Variants in DRC5 observed in about 807,000 individuals in gnomAD.
DRC5 encodes T-complex-associated testis-expressed protein 1.
the DRC5 span, among the ~76,000 whole-genome samples, chr6:44,294,593 A>G: frequency 6.6e-6 from 1 of 151,704 alleles, no homozygotes; most frequent in Admixed American, 6.6e-5. Flanking sequence ...AAAAATACAA[A>G]AATTAGCCAG....
the DRC5 span, among the ~76,000 whole-genome samples, chr6:44,294,992 G>T: frequency 6.6e-6 from 1 of 152,230 alleles, no homozygotes; most frequent in South Asian, 2.1e-4. Flanking sequence ...TGCAGGGATG[G>T]GTGGATACCC....
At chr6:44,286,506 G>A in the DRC5 span, 3 of 1,613,664 alleles carry the variant, frequency 1.9e-6, no homozygotes, top group South Asian at 3.3e-5. Context: ...TGGTGTTCCG[G>A]GAGCATCTGC....
the DRC5 span, among the ~76,000 whole-genome samples, chr6:44,296,174 C>T: frequency 6.6e-6 from 1 of 152,208 alleles, no homozygotes; most frequent in African/African-American, 2.4e-5. Context: ...CTCTTACTTC[C>T]ATGAGATGCT....
the DRC5 span, among the ~76,000 whole-genome samples, chr6:44,286,885 A>T: frequency 6.6e-6 from 1 of 152,204 alleles, no homozygotes; most frequent in African/African-American, 2.4e-5. Context: ...AAAACAAGAA[A>T]TTTTTTGAGC....
the DRC5 span, among the ~76,000 whole-genome samples, chr6:44,292,767 T>C: frequency 1.3e-5 from 2 of 152,096 alleles, no homozygotes; most frequent in East Asian, 3.9e-4. Context: ...CTGCTGGAAG[T>C]CATTTCTCTC....
At chr6:44,287,993 G>T in the DRC5 span, 4 of 803,564 alleles carry the variant, frequency 5.0e-6, no homozygotes, top group East Asian at 2.7e-5. Context: ...AGGTGGTACA[G>T]AATAGTGCTT....
chr6:44,280,993 T>C, the DRC5 span, among the ~76,000 whole-genome samples: 2 of 152,162 alleles, frequency 1.3e-5, no homozygotes, highest in Admixed American at 1.3e-4. Flanking sequence ...TTTTTATTAC[T>C]TGCAGTCAAC....
chr6:44,288,245 C>G, the DRC5 span, among the ~76,000 whole-genome samples: 1 of 152,192 alleles, frequency 6.6e-6, no homozygotes, highest in Non-Finnish European at 1.5e-5. Flanking sequence ...ACAGTAATTG[C>G]TCTGTGCCAG....
chr6:44,295,807 G>A, the DRC5 span, among the ~76,000 whole-genome samples: 2 of 152,112 alleles, frequency 1.3e-5, no homozygotes. Context: ...GTGCAACCTT[G>A]GGCAGGTCCC....
chr6:44,297,566 G>A, the DRC5 span: 2 of 152,272 alleles, frequency 1.3e-5, no homozygotes, highest in African/African-American at 2.4e-5. Flanking sequence ...GTGGGCAGAG[G>A]ACGCTAGAGG....
the DRC5 span, among the ~76,000 whole-genome samples, chr6:44,281,091 G>A: frequency 6.6e-6 from 1 of 152,182 alleles, no homozygotes; most frequent in African/African-American, 2.4e-5. Context: ...GAGCAAGGCT[G>A]TTCTCATGGG....
chr6:44,284,124 C>A, the DRC5 span, among the ~76,000 whole-genome samples: 1 of 152,164 alleles, frequency 6.6e-6, no homozygotes, highest in Non-Finnish European at 1.5e-5. Context: ...TCACAGCCAC[C>A]CATTCCTCAC....
the DRC5 span, among the ~76,000 whole-genome samples, chr6:44,286,950 C>T: frequency 0.71 from 108,515 of 152,148 alleles, 40,001 homozygotes; most frequent in Non-Finnish European, 0.81. Flanking sequence ...CTATGTCCCA[C>T]GTGCTGGAGA....
the DRC5 span, among the ~76,000 whole-genome samples, chr6:44,283,760 C>G: frequency 6.6e-6 from 1 of 152,246 alleles, no homozygotes; most frequent in East Asian, 1.9e-4. Flanking sequence ...GCATGCCAAT[C>G]TAACTATATT....
the DRC5 span, among the ~76,000 whole-genome samples, chr6:44,282,989 A>G: frequency 6.6e-6 from 1 of 151,806 alleles, no homozygotes; most frequent in Admixed American, 6.6e-5. Flanking sequence ...TTTTTAGTAG[A>G]GACAGGGTTT....
chr6:44,289,639 A>C, the DRC5 span, among the ~76,000 whole-genome samples: 1 of 152,202 alleles, frequency 6.6e-6, no homozygotes, highest in Admixed American at 6.5e-5. Context: ...CTCCCCATCC[A>C]GTCTTCCTCT....
chr6:44,286,298 G>T, the DRC5 span: 1 of 1,613,256 alleles, frequency 6.2e-7, no homozygotes, highest in Non-Finnish European at 8.5e-7. Flanking sequence ...AGGGTCTGTG[G>T]TGCCTGGGAT....
chr6:44,292,853 G>A, the DRC5 span, among the ~76,000 whole-genome samples: 15 of 152,164 alleles, frequency 9.9e-5, no homozygotes, highest in Admixed American at 6.5e-4. Flanking sequence ...GATAGACAGA[G>A]ACAGCATCCT....
At chr6:44,280,199 A>C in the DRC5 span, 2 of 1,614,096 alleles carry the variant, frequency 1.2e-6, no homozygotes, top group African/African-American at 1.3e-5. Context: ...CAGAGTTCTC[A>C]GGGCCATTGG....
Sources: gnomAD v4.1 joint callset for allele counts (sites outside exome capture counted in the v4.1 genomes callset) on GRCh38, gnomAD v4.1.1 for gene constraint, MANE v1.5 for transcripts, NCBI Gene and HGNC (gene_info 2026-07-23, HGNC 2026-07-21) for gene names.